Variants in NOTCH2NLB observed in about 807,000 individuals in gnomAD.
The protein encoded by NOTCH2NLB is notch homolog 2 N-terminal-like protein B.
Under a neutral mutation model 14.8 loss-of-function variants are expected in NOTCH2NLB, and 1 was observed. The ratio of observed to expected loss-of-function variants is 0.07; its 90% CI spans 0.02 to 0.32. The LOEUF is 0.32. NOTCH2NLB is among the 10% of genes least tolerant of loss of function. The probability of loss-of-function intolerance (pLI) is 1.00; values close to 1 mark genes in which losing one functional copy is unlikely to be tolerated. For synonymous variants in NOTCH2NLB, 6 were observed against 57.5 expected (o/e 0.10, Z 4.05); for missense variants, 11 against 155.0 (o/e 0.07, Z 4.93).
rs1571119237 is a variant in NOTCH2NLB at position 148,674,965 on chromosome 1, C to G, written c.3+4497G>C. Among the ~76,000 whole-genome samples the G allele has an allele frequency of 2.1e-5, 2 of 93,130 alleles. 1 individual carries two copies. Among genetic ancestry groups the G allele is most frequent in the East Asian group, 1.2e-3 (2 of 1,688 alleles). The allele number at this position is 93,130 out of a possible 152,430, so 61.1% of individuals were successfully genotyped here. On this transcript the variant is annotated intron_variant, in intron 1 of 4. Coordinates refer to ENST00000593495, the Ensembl canonical transcript of NOTCH2NLB. ...GAAAAAAATCTCAAAAAAAAATTAT[C>G]AAAATAAATATAAACTTAGTTAACT... is the stretch of plus-strand genomic sequence containing the variant.
chr1:148,628,422 CAA>C (rs1664036563), intron 2 of NOTCH2NLB, among the ~76,000 whole-genome samples: 1 of 88,850 alleles, frequency 1.1e-5, no homozygotes, highest in Non-Finnish European at 2.0e-5. Flanking sequence ...TTCTGAAGTC[CAA>C]AAAATATCTA....
chr1:148,637,918 TA>T (rs1267314490), intron 2 of NOTCH2NLB, among the ~76,000 whole-genome samples: 2 of 148,350 alleles, frequency 1.3e-5, no homozygotes, highest in Non-Finnish European at 3.0e-5. Context: ...CAAAGGACAT[TA>T]ACTCATTCTT....
chr1:148,637,456 A>G, intron 2 of NOTCH2NLB, among the ~76,000 whole-genome samples: 1 of 140,496 alleles, frequency 7.1e-6, no homozygotes, highest in Non-Finnish European at 1.5e-5. Context: ...ATATAGGCGA[A>G]CACTTAGAAC....
exon 1 of NOTCH2NLB, chr1:148,679,691 C>A: frequency 9.7e-7 from 1 of 1,026,242 alleles, no homozygotes. Context: ...CCTCGACTCC[C>A]CGCGCCCGGA....
At chr1:148,648,170 C>CTGTG (rs1158045701) in intron 1 of NOTCH2NLB, among the ~76,000 whole-genome samples, 9 of 127,722 alleles carry the variant, frequency 7.0e-5, no homozygotes, top group Middle Eastern at 4.4e-3. Flanking sequence ...TCAGTGTTTG[C>CTGTG]TGTGCTATAT....
intron 2 of NOTCH2NLB, among the ~76,000 whole-genome samples, chr1:148,637,899 A>G (rs1664247180): frequency 6.7e-6 from 1 of 148,472 alleles, no homozygotes; most frequent in Admixed American, 6.7e-5. Context: ...AGTTTCATCC[A>G]TGTCCCTGCA....
chr1:148,707,756 TG>T, the NOTCH2NLB span, among the ~76,000 whole-genome samples: 5 of 149,854 alleles, frequency 3.3e-5, no homozygotes, highest in Non-Finnish European at 7.4e-5. Context: ...CACTCCAACC[TG>T]GGGGCCAGAG....
intron 2 of NOTCH2NLB, among the ~76,000 whole-genome samples, chr1:148,621,629 G>GTA: frequency 2.4e-5 from 3 of 123,892 alleles, no homozygotes; most frequent in Admixed American, 2.3e-4. Context: ...CATAAATTAT[G>GTA]TCTTAACTTT....
In NOTCH2NLB at chr1:148,679,701, A is replaced by G. The variant is rs1208854010; in HGVS notation, c.-237T>C. ...AAATGCCTCGACTCCCCGCGCCCGGAGTCCGCCGCTCCTCGGCCGCCGCCT... is the reference window on the plus strand; with the variant it reads ...AAATGCCTCGACTCCCCGCGCCCGGGGTCCGCCGCTCCTCGGCCGCCGCCT... On this transcript the variant is annotated 5_prime_UTR_variant, in exon 1 of 5. Transcript: ENST00000593495. The G allele has an allele frequency of 7.6e-5, 78 of 1,023,040 alleles. 24 individuals carry two copies. The highest frequency in any genetic ancestry group is 9.2e-5 in the Non-Finnish European group (75 of 812,436). 63.4% of individuals were successfully genotyped at this position (1,023,040 alleles called of 1,614,324 possible).
chr1:148,651,144 GAAAAAAAA>G (rs1159790526), intron 1 of NOTCH2NLB, among the ~76,000 whole-genome samples: 19 of 76,472 alleles, frequency 2.5e-4, no homozygotes, highest in South Asian at 9.5e-4. Flanking sequence ...CTCTGCCTGA[GAAAAAAAA>G]AAAAAAAAAA....
In NOTCH2NLB at chr1:148,674,658, C is replaced by T. The variant is rs1439526090; in HGVS notation, c.3+4804G>A. 3.4e-5 allele frequency among the ~76,000 whole-genome samples: 3 copies of T among 89,114 alleles called. 1 individual carries two copies. Among genetic ancestry groups the T allele is most frequent in the Admixed American group, 3.0e-4 (3 of 9,844 alleles). The allele number at this position is 89,114 out of a possible 152,430, so 58.5% of individuals were successfully genotyped here. A position where few individuals can be genotyped will look rare whatever the true frequency, so the allele number is the denominator to read the frequency against. ...TCACAGATGCTGTGACTAAGACCTGCCGCTCAGTTGACTCTGAATTTGGGG... is the reference window on the plus strand; with the variant it reads ...TCACAGATGCTGTGACTAAGACCTGTCGCTCAGTTGACTCTGAATTTGGGG... On this transcript the variant is annotated intron_variant, in intron 1 of 4. Transcript: ENST00000593495.
At chr1:148,624,374 G>A (rs1663945290) in intron 2 of NOTCH2NLB, among the ~76,000 whole-genome samples, 1 of 278 alleles carries the variant, frequency 3.6e-3, no homozygotes, top group Non-Finnish European at 6.8e-3. Context: ...CCTTTCATCC[G>A]CAAAACTATA....
rs1358495513 is a variant in NOTCH2NLB, at chr1:148,654,699, TTTA to T, written c.4-14613_4-14611del. ...ACTCCTCTGTTTTCCTTATGGCATT[TTTA>T]TTATCTGACACAACATATAGCAAAC... On this transcript the variant is annotated intron_variant, in intron 1 of 4. Coordinates refer to ENST00000593495, the Ensembl canonical transcript of NOTCH2NLB. 6.4e-4 allele frequency among the ~76,000 whole-genome samples: 61 copies of T among 94,750 alleles called. 23 individuals are homozygous for T. The highest frequency in any genetic ancestry group is 1.3e-3 in the Non-Finnish European group (57 of 42,244). The allele number at this position is 94,750 out of a possible 152,430, so 62.2% of individuals were successfully genotyped here. A position where few individuals can be genotyped will look rare whatever the true frequency, so the allele number is the denominator to read the frequency against.
At chr1:148,608,718 C>A in intron 3 of NOTCH2NLB, among the ~76,000 whole-genome samples, 1 of 150,072 alleles carries the variant, frequency 6.7e-6, no homozygotes, top group Non-Finnish European at 1.5e-5. Flanking sequence ...ATGTAACACA[C>A]ACATATATTC....
intron 2 of NOTCH2NLB, among the ~76,000 whole-genome samples, chr1:148,630,235 AAGT>A (rs1664070633): frequency 8.4e-6 from 1 of 119,128 alleles, no homozygotes; most frequent in Non-Finnish European, 1.7e-5. Flanking sequence ...TGTCTGGTAG[AAGT>A]ACAAGAATCA....
chr1:148,604,971 A>G, downstream of NOTCH2NLB, among the ~76,000 whole-genome samples: 1 of 146,662 alleles, frequency 6.8e-6, no homozygotes, highest in South Asian at 2.2e-4. Context: ...ACACACACAC[A>G]CACACACACA....
chr1:148,661,525 T>C (rs1416718120), intron 1 of NOTCH2NLB, among the ~76,000 whole-genome samples: 1 of 149,636 alleles, frequency 6.7e-6, no homozygotes, highest in African/African-American at 2.4e-5. Flanking sequence ...ATAATACATA[T>C]ATAATTTTCT....
intron 2 of NOTCH2NLB, among the ~76,000 whole-genome samples, chr1:148,638,099 T>A (rs1664255773): frequency 6.7e-6 from 1 of 148,860 alleles, no homozygotes; most frequent in Non-Finnish European, 1.5e-5. Flanking sequence ...ATCCTTTGGG[T>A]ATATACTCAG....
chr1:148,601,410 C>G, the NOTCH2NLB span, among the ~76,000 whole-genome samples: 1 of 150,728 alleles, frequency 6.6e-6, no homozygotes, highest in Non-Finnish European at 1.5e-5. Context: ...GAAAGGTAAA[C>G]AGACAAGTTT....
Sources: gnomAD v4.1 joint callset for allele counts (sites outside exome capture counted in the v4.1 genomes callset) on GRCh38, gnomAD v4.1.1 for gene constraint, MANE v1.5 for transcripts, NCBI Gene and HGNC (gene_info 2026-07-23, HGNC 2026-07-21) for gene names.